MMP16: variants seen among roughly 807,000 people sequenced by gnomAD.
The protein encoded by MMP16 is matrix metalloproteinase-16.
Under a neutral mutation model 67.8 loss-of-function variants are expected in MMP16, and 12 were observed. The observed-to-expected ratio is 0.18, with a 90% CI of 0.11 to 0.29. The LOEUF is 0.29. Ranked by LOEUF, MMP16 falls within the 10% of genes least tolerant of loss-of-function variation. The pLI is 1.00. For missense variants in MMP16, 475 were observed against 765.7 expected (o/e 0.62, Z 4.48); for synonymous variants, 249 against 255.9 (o/e 0.97, Z 0.26).
chr8:88,215,799 A>T (rs1809583155), intron 1 of MMP16, among the ~76,000 whole-genome samples: 1 of 151,990 alleles, frequency 6.6e-6, no homozygotes, highest in East Asian at 1.9e-4. Context: ...ATTTTTTTTG[A>T]CTAGACACTT....
intron 6 of MMP16, among the ~76,000 whole-genome samples, chr8:88,078,454 G>C (rs930416908): frequency 6.6e-6 from 1 of 152,064 alleles, no homozygotes; most frequent in Non-Finnish European, 1.5e-5. Context: ...GCTCGTGATA[G>C]GCATATTTGT....
intron 6 of MMP16, among the ~76,000 whole-genome samples, chr8:88,083,186 T>C (rs904931286): frequency 6.6e-6 from 1 of 151,526 alleles, no homozygotes. Flanking sequence ...ATGAAAATAA[T>C]TCATGATTTA....
chr8:88,215,279 G>A (rs796279858), intron 1 of MMP16, among the ~76,000 whole-genome samples: 11 of 151,868 alleles, frequency 7.2e-5, no homozygotes, highest in African/African-American at 2.7e-4. Context: ...GCAGTGAGCT[G>A]AGATCGCACT....
chr8:88,091,449 G>A (rs1241821578), intron 6 of MMP16, among the ~76,000 whole-genome samples: 1 of 151,654 alleles, frequency 6.6e-6, no homozygotes, highest in African/African-American at 2.4e-5. Flanking sequence ...CATTTCTTCT[G>A]GGTATAGAGT....
At chr8:88,205,169 T>C (rs1208658337) in intron 1 of MMP16, among the ~76,000 whole-genome samples, 1 of 152,100 alleles carries the variant, frequency 6.6e-6, no homozygotes, top group Non-Finnish European at 1.5e-5. Context: ...AATGATGAAA[T>C]AAAACCCCAG....
chr8:88,056,160 G>A lies in MMP16; in HGVS notation c.1341C>T (p.Asp447=), dbSNP rs200751407. The A allele has an allele frequency of 5.3e-5, 84 of 1,588,578 alleles. No individual in the cohort carries two copies. In the East Asian group the frequency reaches 1.3e-3, roughly 25 times the overall value. Residue 447 remains aspartate (D), a synonymous_variant, in exon 8 of 10, where the codon GAC becomes GAT. Coordinates refer to ENST00000286614, the MANE Select transcript of MMP16 (RefSeq NM_005941.5). ...CCTTGAAGAAATAGGTTTTCCCGAC[G>A]TCCTCCCACCAAATGGCTGAATCAA... The part of the protein sequence containing the change: ...HGIDSAIWWE[D]VGKTYFFKGD...
At chr8:88,110,110 C>T (rs1458547086) in intron 6 of MMP16, among the ~76,000 whole-genome samples, 1 of 150,976 alleles carries the variant, frequency 6.6e-6, no homozygotes, top group Non-Finnish European at 1.5e-5. Flanking sequence ...TTGCTTTATA[C>T]CACTGAAAAT....
intron 1 of MMP16, among the ~76,000 whole-genome samples, chr8:88,308,340 G>A (rs1028804042): frequency 4.6e-5 from 7 of 152,024 alleles, no homozygotes; most frequent in Non-Finnish European, 8.8e-5. Flanking sequence ...GTGAATGTTT[G>A]CTCTATAATG....
At chr8:88,308,577 A>G (rs1811246638) in intron 1 of MMP16, among the ~76,000 whole-genome samples, 1 of 152,090 alleles carries the variant, frequency 6.6e-6, no homozygotes, top group Non-Finnish European at 1.5e-5. Flanking sequence ...TACTCAATAC[A>G]TAGTGTTGAA....
chr8:88,147,777 T>TTGTG (rs55829907), intron 4 of MMP16, among the ~76,000 whole-genome samples: 8,278 of 149,232 alleles, frequency 0.055, 346 homozygotes, highest in Admixed American at 0.11. Flanking sequence ...AAATATGTGT[T>TTGTG]TGTGTGTGTG....
At chr8:88,128,949 T>C (rs147553781) in intron 4 of MMP16, among the ~76,000 whole-genome samples, 2 of 151,788 alleles carry the variant, frequency 1.3e-5, no homozygotes, top group Non-Finnish European at 2.9e-5. Flanking sequence ...AATTCCCAGC[T>C]CTTGAGGACT....
At chr8:88,086,101 C>T (rs1230203564) in intron 6 of MMP16, among the ~76,000 whole-genome samples, 3 of 151,768 alleles carry the variant, frequency 2.0e-5, no homozygotes, top group African/African-American at 4.9e-5. Context: ...ATAGAAAGAG[C>T]GAGCTGGGGA....
chr8:88,132,144 T>C (rs1808040478), intron 4 of MMP16, among the ~76,000 whole-genome samples: 1 of 151,834 alleles, frequency 6.6e-6, no homozygotes, highest in Non-Finnish European at 1.5e-5. Flanking sequence ...TTTTTTAAAA[T>C]ATGCCATTAA....
intron 6 of MMP16, among the ~76,000 whole-genome samples, chr8:88,086,727 T>A (rs1248296423): frequency 6.6e-6 from 1 of 151,896 alleles, no homozygotes; most frequent in Non-Finnish European, 1.5e-5. Context: ...ACATAGACAA[T>A]GTATTCAATT....
At chr8:88,165,358 G>A (rs2129694872) in intron 4 of MMP16, among the ~76,000 whole-genome samples, 1 of 151,812 alleles carries the variant, frequency 6.6e-6, no homozygotes, top group South Asian at 2.1e-4. Context: ...AGGTCACAAA[G>A]CCAAATTAAC....
intron 6 of MMP16, among the ~76,000 whole-genome samples, chr8:88,090,545 G>T (rs1352870167): frequency 6.6e-6 from 1 of 151,828 alleles, no homozygotes; most frequent in African/African-American, 2.4e-5. Flanking sequence ...CGCACAAAAT[G>T]AGTGAGTTGG....
intron 1 of MMP16, among the ~76,000 whole-genome samples, chr8:88,232,680 C>G (rs774444439): frequency 1.5e-4 from 23 of 152,120 alleles, no homozygotes; most frequent in Non-Finnish European, 2.9e-4. Context: ...CAATACTTCA[C>G]CTGGGAACAG....
chr8:88,071,146 A>C (rs985348552), intron 7 of MMP16, among the ~76,000 whole-genome samples: 1 of 152,096 alleles, frequency 6.6e-6, no homozygotes, highest in African/African-American at 2.4e-5. Context: ...TTACACCAAA[A>C]TATAAATTTT....
At chr8:88,235,751 G>A (rs1410214089) in intron 1 of MMP16, among the ~76,000 whole-genome samples, 5 of 152,090 alleles carry the variant, frequency 3.3e-5, no homozygotes, top group Non-Finnish European at 1.5e-5. Context: ...TGACATTCCT[G>A]AACCCTGTCA....
Sources: allele counts gnomAD v4.1 joint callset (sites outside exome capture counted in the v4.1 genomes callset), GRCh38; gene constraint gnomAD v4.1.1; transcripts MANE v1.5; gene names NCBI Gene and HGNC (gene_info 2026-07-23, HGNC 2026-07-21).